The following PTER variants were observed in gnomAD, a reference collection of about 807,000 sequenced individuals.
PTER encodes the protein N-acetyltaurine hydrolase.
In PTER, 38 loss-of-function variants were observed where a neutral mutation model predicts 29.6. The ratio of observed to expected loss-of-function variants is 1.28; its 90% CI spans 0.99 to 1.68. The LOEUF is 1.68. Among genes scored for constraint, PTER ranks in the 40% most tolerant of loss-of-function variants. PTER has a pLI of 0.00. For missense variants in PTER, 482 were observed against 427.8 expected (o/e 1.13, Z -1.12); for synonymous variants, 172 against 154.5 (o/e 1.11, Z -0.84).
intron 1 of PTER, among the ~76,000 whole-genome samples, chr10:16,449,482 G>A (rs1367645047): frequency 1.4e-5 from 2 of 146,486 alleles, no homozygotes; most frequent in Non-Finnish European, 3.0e-5. Flanking sequence ...GTCGCCCAGG[G>A]TACAGTGCAG....
At chr10:16,462,323 G>C (rs1045710213) in intron 1 of PTER, among the ~76,000 whole-genome samples, 1 of 152,100 alleles carries the variant, frequency 6.6e-6, no homozygotes, top group African/African-American at 2.4e-5. Context: ...TGGATTGAGA[G>C]AGCAGTGGAT....
intron 2 of PTER, among the ~76,000 whole-genome samples, chr10:16,485,161 CTT>C (rs1262515078): frequency 1.3e-5 from 2 of 152,194 alleles, no homozygotes; most frequent in African/African-American, 4.8e-5. Flanking sequence ...GTAAACCTCA[CTT>C]TTCCATCTTA....
chr10:16,452,325 C>G (rs1834243322), intron 1 of PTER, among the ~76,000 whole-genome samples: 1 of 147,722 alleles, frequency 6.8e-6, no homozygotes, highest in African/African-American at 2.5e-5. Flanking sequence ...GAGATTGAGT[C>G]TCACTCTGTC....
chr10:16,500,437 A>T (rs750159434), intron 3 of PTER, among the ~76,000 whole-genome samples: 20 of 151,750 alleles, frequency 1.3e-4, no homozygotes, highest in Non-Finnish European at 2.4e-4. Flanking sequence ...TTCATTGTAG[A>T]CACAGGGTCT....
At chr10:16,457,653 G>A (rs1171649748) in intron 1 of PTER, among the ~76,000 whole-genome samples, 2 of 152,128 alleles carry the variant, frequency 1.3e-5, no homozygotes, top group African/African-American at 4.8e-5. Context: ...AGGCTGGAGT[G>A]CAGTGGCCTG....
intron 1 of PTER, among the ~76,000 whole-genome samples, chr10:16,471,257 T>C (rs1835042969): frequency 6.6e-6 from 1 of 152,218 alleles, no homozygotes. Context: ...GAATTTGAAA[T>C]AGCTCTTGAG....
chr10:16,462,602 G>A (rs1053119237), intron 1 of PTER, among the ~76,000 whole-genome samples: 3 of 136,948 alleles, frequency 2.2e-5, no homozygotes, highest in East Asian at 2.2e-4. Flanking sequence ...ACAGAGTCTC[G>A]CTCTGTTGAC....
At chr10:16,451,050 T>C (rs559610169) in intron 1 of PTER, among the ~76,000 whole-genome samples, 173 of 152,324 alleles carry the variant, frequency 1.1e-3, no homozygotes, top group South Asian at 2.7e-3. Flanking sequence ...CTTAAAATTC[T>C]GTCTGTGACC....
At chr10:16,444,078 T>G (rs923107997) in intron 1 of PTER, among the ~76,000 whole-genome samples, 12 of 151,410 alleles carry the variant, frequency 7.9e-5, no homozygotes, top group Admixed American at 2.6e-4. Context: ...CTCGGCTGAC[T>G]GCAACCTCTG....
At chr10:16,508,527 A>G (rs1836683846) in intron 4 of PTER, among the ~76,000 whole-genome samples, 1 of 152,096 alleles carries the variant, frequency 6.6e-6, no homozygotes, top group East Asian at 1.9e-4. Flanking sequence ...GAAGATCCGT[A>G]AAGGGGCATC....
intron 3 of PTER, among the ~76,000 whole-genome samples, chr10:16,499,128 A>C (rs2133485354): frequency 6.6e-6 from 1 of 152,194 alleles, no homozygotes; most frequent in Non-Finnish European, 1.5e-5. Context: ...CTTTTCTGAG[A>C]CTTAAAGTCC....
At chr10:16,478,426 C>T (rs1223714647) in intron 1 of PTER, among the ~76,000 whole-genome samples, 3 of 151,702 alleles carry the variant, frequency 2.0e-5, no homozygotes, top group African/African-American at 4.8e-5. Flanking sequence ...CTCCGCCTCC[C>T]GGGTTCAAGC....
intron 1 of PTER, among the ~76,000 whole-genome samples, chr10:16,475,015 G>C (rs73595320): frequency 0.16 from 24,573 of 152,160 alleles, 3,667 homozygotes; most frequent in African/African-American, 0.39. Context: ...CTTGCTGTGT[G>C]TTCACATGGT....
chr10:16,447,243 G>A (rs1834048346), intron 1 of PTER, among the ~76,000 whole-genome samples: 1 of 151,458 alleles, frequency 6.6e-6, no homozygotes, highest in African/African-American at 2.4e-5. Context: ...TGAGACGACA[G>A]GCACATGCCA....
At chr10:16,464,665 C>T (rs985442100) in intron 1 of PTER, among the ~76,000 whole-genome samples, 86 of 152,174 alleles carry the variant, frequency 5.7e-4, no homozygotes, top group African/African-American at 2.0e-3. Context: ...TGGAAACATG[C>T]TCCTCATTGC....
intron 1 of PTER, among the ~76,000 whole-genome samples, chr10:16,444,734 G>C (rs1171323244): frequency 6.6e-6 from 1 of 152,094 alleles, no homozygotes; most frequent in Non-Finnish European, 1.5e-5. Flanking sequence ...GGAATGTGAA[G>C]GCACAGAAGG....
At position 16,493,992 on chromosome 10, in the gene PTER, T is replaced by G. The variant is rs1011830433; in HGVS notation, c.698+7375T>G. Among the ~76,000 whole-genome samples, 10 of 152,264 alleles carry G rather than the reference T, an allele frequency of 6.6e-5. 1 individual carries two copies. The East Asian group carries it at 1.9e-3, about 29-fold the overall frequency. On this transcript the variant is annotated intron_variant, in intron 3 of 4. Transcript: ENST00000535784. ...CCACCAAAGCCTTCCACGAGTAATT[T>G]TTTTTCTAAAGCAATTTTTCATAAC...
chr10:16,497,653 G>A (rs1836164542), intron 3 of PTER, among the ~76,000 whole-genome samples: 1 of 152,172 alleles, frequency 6.6e-6, no homozygotes, highest in Non-Finnish European at 1.5e-5. Flanking sequence ...CCTACCCACG[G>A]ATCAAATTCT....
intron 1 of PTER, among the ~76,000 whole-genome samples, chr10:16,459,116 A>G (rs928688236): frequency 6.6e-6 from 1 of 152,164 alleles, no homozygotes; most frequent in African/African-American, 2.4e-5. Flanking sequence ...CATAGTATCA[A>G]TGTATTTTTC....
Sources: gnomAD v4.1 joint callset for allele counts (sites outside exome capture counted in the v4.1 genomes callset) on GRCh38, gnomAD v4.1.1 for gene constraint, MANE v1.5 for transcripts, NCBI Gene and HGNC (gene_info 2026-07-23, HGNC 2026-07-21) for gene names.